LRP8: variants seen among roughly 807,000 people sequenced by gnomAD.
The protein encoded by LRP8 is LDL receptor related protein 8.
LRP8 carries 46 observed loss-of-function variants against 111.6 expected under a neutral mutation model. The observed-to-expected ratio is 0.41, with a 90% confidence interval of 0.33 to 0.53. The LOEUF (loss-of-function observed/expected upper bound fraction) is 0.53. Ranked by LOEUF, LRP8 falls within the 20% of genes least tolerant of loss-of-function variation. The pLI, the probability that LRP8 is intolerant of heterozygous loss-of-function variation, is 0.20. For synonymous variants in LRP8, 464 were observed against 511.2 expected (o/e 0.91, Z 1.24); for missense variants, 959 against 1,297.4 (o/e 0.74, Z 4.01).
chr1:53,312,852 T>C (rs1374367026), intron 2 of LRP8, among the ~76,000 whole-genome samples: 1 of 152,134 alleles, frequency 6.6e-6, no homozygotes, highest in African/African-American at 2.4e-5. Context: ...ACTGGGATAG[T>C]TCTGAGCAGC....
At chr1:53,284,564 A>G (rs1647285400) in intron 3 of LRP8, among the ~76,000 whole-genome samples, 2 of 152,198 alleles carry the variant, frequency 1.3e-5, no homozygotes, top group Non-Finnish European at 2.9e-5. Context: ...CTCCACCTCC[A>G]GGGTGGACCT....
At chr1:53,322,281 T>C (rs1254173385) in intron 2 of LRP8, among the ~76,000 whole-genome samples, 1 of 152,204 alleles carries the variant, frequency 6.6e-6, no homozygotes, top group African/African-American at 2.4e-5. Context: ...TGTGTCTGAG[T>C]TGTGACTTTG....
intron 6 of LRP8, among the ~76,000 whole-genome samples, chr1:53,274,112 C>T (rs945915386): frequency 2.6e-5 from 4 of 152,222 alleles, no homozygotes; most frequent in African/African-American, 9.6e-5. Context: ...TAGCCGACAT[C>T]AGGGCAGCCA....
chr1:53,290,109 AG>A (rs34626067), intron 2 of LRP8, among the ~76,000 whole-genome samples: 54,294 of 152,058 alleles, frequency 0.36, 10,715 homozygotes, highest in East Asian at 0.59. Context: ...TGCAGGCGCC[AG>A]GGGAGTTTGT....
chr1:53,270,464 G>A (rs12028465), intron 8 of LRP8, among the ~76,000 whole-genome samples: 47,540 of 152,048 alleles, frequency 0.31, 8,894 homozygotes, highest in East Asian at 0.43. Flanking sequence ...GGTAACGAGT[G>A]ATGGCACCAT....
intron 2 of LRP8, among the ~76,000 whole-genome samples, chr1:53,320,918 T>C (rs1360417389): frequency 6.6e-6 from 1 of 152,246 alleles, no homozygotes; most frequent in Non-Finnish European, 1.5e-5. Context: ...GGTCAGCTCC[T>C]GGCTCCACCA....
rs973741007 is a variant in LRP8, at chr1:53,255,700, G to A, written c.2435-515C>T. Among the ~76,000 whole-genome samples, 6 of 152,110 alleles carry A rather than the reference G, an allele frequency of 3.9e-5. No homozygotes were observed. In the East Asian group the frequency reaches 7.7e-4, roughly 19 times the overall value. The stretch of plus-strand genomic sequence containing the variant: ...AGTATAGTGTAGAGGAATCAAAAGC[G>A]CAGACTTCTGTGTCAGACTTCTGGG... On this transcript the variant is annotated intron_variant, in intron 15 of 18. Transcript: ENST00000306052.
chr1:53,295,097 CT>C (rs1489134899), intron 2 of LRP8, among the ~76,000 whole-genome samples: 1 of 152,202 alleles, frequency 6.6e-6, no homozygotes, highest in African/African-American at 2.4e-5. Flanking sequence ...GAGGGCTGCA[CT>C]TGAACCCAGG....
At chr1:53,280,494 G>C (rs976675859) in intron 4 of LRP8, 93 bp downstream of exon 4, 8 of 1,519,132 alleles carry the variant, frequency 5.3e-6, no homozygotes, top group South Asian at 1.2e-5. Context: ...CAAGCCCCAC[G>C]GGGAACTGGG....
At chr1:53,299,678 C>T (rs146275436) in intron 2 of LRP8, among the ~76,000 whole-genome samples, 418 of 152,366 alleles carry the variant, frequency 2.7e-3, no homozygotes, top group Non-Finnish European at 3.7e-3. Context: ...TCTGTGATAT[C>T]GCTGAGGCCT....
intron 3 of LRP8, among the ~76,000 whole-genome samples, chr1:53,287,603 A>G (rs931278201): frequency 1.4e-4 from 21 of 152,220 alleles, no homozygotes; most frequent in African/African-American, 4.3e-4. Context: ...ATGAAACCTC[A>G]GAGAGCTCGA....
At chr1:53,299,978 A>C (rs918529996) in intron 2 of LRP8, among the ~76,000 whole-genome samples, 1 of 152,234 alleles carries the variant, frequency 6.6e-6, no homozygotes, top group Non-Finnish European at 1.5e-5. Context: ...AGTCCCTTAC[A>C]GTCCACTCCT....
intron 2 of LRP8, 132 bp downstream of exon 2, chr1:53,326,741 C>T (rs1368798825): frequency 1.4e-6 from 2 of 1,421,394 alleles, no homozygotes; most frequent in Non-Finnish European, 1.9e-6. Flanking sequence ...GGCGGTTTCC[C>T]GGTCGCAGGC....
At chr1:53,247,545 A>G (rs1278903469) in intron 18 of LRP8, among the ~76,000 whole-genome samples, 1 of 152,184 alleles carries the variant, frequency 6.6e-6, no homozygotes, top group Non-Finnish European at 1.5e-5. Flanking sequence ...GAGGCAATGC[A>G]GGTTAATTAA....
In LRP8 at chr1:53,249,012, C is replaced by T. The variant is rs1023204188; in HGVS notation, c.2853+368G>A. On this transcript the variant is annotated intron_variant, in intron 18 of 18. Coordinates refer to ENST00000306052, the MANE Select transcript of LRP8 (RefSeq NM_004631.5). The surrounding 1 kb of genome is among the most constrained non-coding windows in gnomAD (Gnocchi z 4.1). ...GAGTTTTCTTATTCCAAGTTCAGTG[C>T]TTCTTCCACTGTGCTCCCTCTGATC... is the stretch of plus-strand genomic sequence containing the variant. Among the ~76,000 whole-genome samples the T allele has an allele frequency of 3.9e-5, 6 of 152,200 alleles. No homozygotes were observed. The highest frequency in any genetic ancestry group is 5.9e-5 in the Non-Finnish European group (4 of 68,040).
At chr1:53,270,487 G>A (rs1299019516) in intron 8 of LRP8, among the ~76,000 whole-genome samples, 2 of 152,180 alleles carry the variant, frequency 1.3e-5, no homozygotes, top group Non-Finnish European at 2.9e-5. Flanking sequence ...GGTAGTATTT[G>A]TGCCCAGAGC....
At chr1:53,248,245 G>A (rs1428453318) in intron 18 of LRP8, among the ~76,000 whole-genome samples, 1 of 152,086 alleles carries the variant, frequency 6.6e-6, no homozygotes, top group African/African-American at 2.4e-5. Context: ...GTCATCTTTG[G>A]GTTATCTGTA....
chr1:53,288,476 A>G lies in LRP8; in HGVS notation c.367+1091T>C, dbSNP rs570866661. The G allele has an allele frequency of 5.2e-3, 786 of 151,272 alleles. 2 individuals are homozygous for G. Among genetic ancestry groups the G allele is most frequent in the Middle Eastern group, 0.024 (7 of 294 alleles). 9.4% of individuals were successfully genotyped at this position (151,272 alleles called of 1,614,324 possible). On this transcript the variant is annotated intron_variant, in intron 3 of 18. Transcript: ENST00000306052. ...CTGCGGCATGGCTGGGGAGGCCAGG[A>G]GCAGCTGTACGAGGAAATGAGGGCT...
At chr1:53,270,073 GTGTC>G (rs1254951271) in intron 8 of LRP8, among the ~76,000 whole-genome samples, 1 of 152,208 alleles carries the variant, frequency 6.6e-6, no homozygotes, top group Admixed American at 6.5e-5. Flanking sequence ...GCTCTATACA[GTGTC>G]TGTGTGGGTG....
Sources: gnomAD v4.1 joint callset for allele counts (sites outside exome capture counted in the v4.1 genomes callset) on GRCh38, gnomAD v4.1.1 for gene constraint, Gnocchi (gnomAD v3.1) non-coding constraint, MANE v1.5 for transcripts, NCBI Gene and HGNC (gene_info 2026-07-23, HGNC 2026-07-21) for gene names.